Variants in ZMYM3 observed in about 807,000 individuals in gnomAD.
The protein encoded by ZMYM3 is zinc finger MYM-type protein 3.
In ZMYM3, 6 loss-of-function variants were observed where a neutral mutation model predicts 94.2. The observed-to-expected ratio is 0.06, with a 90% CI of 0.03 to 0.13. The LOEUF (loss-of-function observed/expected upper bound fraction) is 0.13, where lower values mean the gene tolerates loss of function less well. Among genes scored for constraint, ZMYM3 ranks in the 10% least tolerant of loss-of-function variants. ZMYM3 has a pLI of 1.00. For missense variants in ZMYM3, 664 were observed against 1,132.6 expected (o/e 0.59, Z 5.94); for synonymous variants, 420 against 426.5 (o/e 0.98, Z 0.19).
chrX:71,253,052 T>G lies in ZMYM3; in HGVS notation c.204A>C (p.Lys68Asn). The G allele has an allele frequency of 8.3e-7, 1 of 1,199,091 alleles. No individual in the cohort carries two copies. Among genetic ancestry groups the G allele is most frequent in the Non-Finnish European group, 1.1e-6 (1 of 888,686 alleles). ...TGGCTCCATCCAGGACTCCAGGGTC[T>G]TTTTCCAGGCCAGCAGGGGTATCAA... is the stretch of plus-strand genomic sequence containing the variant. ...DLLDTPAGLE[K>N]DPGVLDGATE... The change falls in exon 2 of 25, where the codon AAA (lysine) becomes AAC (asparagine). Residue 68 changes from lysine (K) to asparagine (N), a missense_variant. Around this residue, in one of 9 missense-constraint regions of ZMYM3, gnomAD observed 196 missense variants for 190.8 expected, o/e 1.03. Coordinates refer to ENST00000314425, the MANE Select transcript of ZMYM3 (RefSeq NM_201599.3).
chrX:71,253,097 G>A lies in ZMYM3; in HGVS notation c.159C>T (p.Ser53=). ...TATCAAGCAGGTCCAGGGCTCCCGAGGATGGAGAAGGGCCAGGGGGGGCCC... is the reference window on the plus strand; with the variant it reads ...TATCAAGCAGGTCCAGGGCTCCCGAAGATGGAGAAGGGCCAGGGGGGGCCC... ...RGWAPPGPSP[S]SGALDLLDTP... The change falls in exon 2 of 25, where the codon TCC becomes TCT. Residue 53 remains serine, a synonymous_variant. Transcript: ENST00000314425. 2 of 1,202,599 alleles carry A rather than the reference G, an allele frequency of 1.7e-6. No individual in the cohort carries two copies. Among genetic ancestry groups the A allele is most frequent in the East Asian group, 5.9e-5 (2 of 33,641 alleles).
Position 71,251,564 on chromosome X carries a change from A to G in ZMYM3, c.705T>C (p.Pro235=). 1 of 1,193,630 alleles carries G rather than the reference A, an allele frequency of 8.4e-7. No individual in the cohort carries two copies. The highest frequency in any genetic ancestry group is 1.1e-6 in the Non-Finnish European group (1 of 886,501). The change falls in exon 3 of 25, where the codon CCT becomes CCC. Residue 235 remains proline, a synonymous_variant. Coordinates refer to ENST00000314425, the MANE Select transcript of ZMYM3 (RefSeq NM_201599.3). ...CCAATCCCCTCCCCCTCACCCGTTC[A>G]GGCGGCTTCTCACTCGCCTTCGCAG... ...GLTAKASEKP[P]ERKRSERVRR...
Position 71,245,422 on chromosome X carries a change from C to T in ZMYM3, c.2924G>A (p.Arg975Gln). 2 of 1,211,236 alleles carry T rather than the reference C, an allele frequency of 1.7e-6. No homozygotes were observed. The highest frequency in any genetic ancestry group is 2.2e-6 in the Non-Finnish European group (2 of 895,316). The part of the protein sequence containing the change: ...LEDCDLFGPA[R>Q]DDVLAMAVKM... ...GACTGCCATGGCCAGGACATCATCTCGAGCAGGCCCAAACAGGTCACAGTC... is the reference window on the plus strand; with the variant it reads ...GACTGCCATGGCCAGGACATCATCTTGAGCAGGCCCAAACAGGTCACAGTC... The change falls in exon 18 of 25, where the codon CGA becomes CAA. Residue 975 changes from arginine (R) to glutamine (Q), a missense_variant. Arg to Gln is a conservative substitution (Grantham distance 43). This residue lies in a region of ZMYM3 where 75 missense variants were observed against 152.5 expected (regional missense o/e 0.49). Transcript: ENST00000314425.
Position 71,250,145 on chromosome X carries a change from G to A in ZMYM3, c.1132C>T (p.His378Tyr). ...VAQTGSGGSF[H>Y]EFCTSVCLSL... is the part of the protein sequence containing the mutation. Reference sequence around the variant, plus strand: ...AGACAGACGGATGTGCAGAACTCATGGAAGGAGCCTCCAGAACCAGTCTGC... The same window carrying A: ...AGACAGACGGATGTGCAGAACTCATAGAAGGAGCCTCCAGAACCAGTCTGC... Residue 378 changes from histidine (H) to tyrosine (Y), a missense_variant, in exon 6 of 25, where the codon CAT becomes TAT. By Grantham distance (83) the His-to-Tyr change is moderately conservative (BLOSUM62 2). Around this residue, in one of 9 missense-constraint regions of ZMYM3, gnomAD observed 51 missense variants for 53.0 expected, o/e 0.96. Coordinates refer to ENST00000314425, the MANE Select transcript of ZMYM3 (RefSeq NM_201599.3). 8.3e-7 allele frequency: 1 copy of A among 1,206,017 alleles called. No homozygotes were observed. Among genetic ancestry groups the A allele is most frequent in the Non-Finnish European group, 1.1e-6 (1 of 892,998 alleles).
intron 21 of ZMYM3, among the ~76,000 whole-genome samples, chrX:71,243,293 G>A (rs1008437288): frequency 3.6e-5 from 4 of 111,290 alleles, no homozygotes; most frequent in Non-Finnish European, 7.5e-5. Context: ...AGGCTTGGAG[G>A]AGATGTTCTT....
rs1005254831 is a variant in ZMYM3, at chrX:71,251,371, TAGG to T, written c.712-130_712-128del. The T allele has an allele frequency of 4.3e-6, 4 of 921,803 alleles. No homozygotes were observed. The Admixed American group carries it at 1.1e-4, about 26-fold the overall frequency. 76.0% of individuals were successfully genotyped at this position (921,803 alleles called of 1,213,427 possible). Reference sequence around the variant, plus strand: ...GAGTGGGGACCCTTGGCCCAGCCCTTAGGAGGAGGGAAGAAAAGGAGGTTGGAC... The same window carrying T: ...GAGTGGGGACCCTTGGCCCAGCCCTTAGGAGGGAAGAAAAGGAGGTTGGAC... On this transcript the variant is annotated intron_variant, in intron 3 of 24. Transcript: ENST00000314425.
At chrX:71,251,786 T>G (rs772109118) in intron 2 of ZMYM3, 185 bp from the exon 3 acceptor site, 2 of 746,886 alleles carry the variant, frequency 2.7e-6, no homozygotes, top group East Asian at 1.6e-4. Context: ...GGTGGGGGGG[T>G]GCACGTGCAG....
rs1484128037 is a variant in ZMYM3 at position 71,252,492 on chromosome X, AC to A, written c.667+96del. ...CACACATCCCTACACTTATCTCTCCACCCTCCTCCTCCCCACTACTTCCCAA... is the reference window on the plus strand; with the variant it reads ...CACACATCCCTACACTTATCTCTCCACCTCCTCCTCCCCACTACTTCCCAA... On this transcript the variant is annotated intron_variant, in intron 2 of 24. Coordinates refer to ENST00000314425, the MANE Select transcript of ZMYM3 (RefSeq NM_201599.3). 16 of 923,334 alleles carry A rather than the reference AC, an allele frequency of 1.7e-5. No individual in the cohort carries two copies. The East Asian group carries it at 5.6e-4, about 32-fold the overall frequency. The allele number at this position is 923,334 out of a possible 1,213,427, so 76.1% of individuals were successfully genotyped here. A position where few individuals can be genotyped will look rare whatever the true frequency, so the allele number is the denominator to read the frequency against.
intron 21 of ZMYM3, chrX:71,243,554 G>C (rs2030035295): frequency 2.9e-6 from 1 of 348,133 alleles, no homozygotes; most frequent in Non-Finnish European, 5.0e-6. Flanking sequence ...AAGGCAAGCT[G>C]CCTGCTTCAG....
intron 5 of ZMYM3, 42 bp from the exon 6 acceptor site, chrX:71,250,245 C>T: frequency 8.9e-7 from 1 of 1,127,525 alleles, no homozygotes; most frequent in Non-Finnish European, 1.2e-6. Context: ...CAAGACCACC[C>T]TCTCATTTCC....
rs2029907980 is a variant in ZMYM3 at position 71,240,703 on chromosome X, CCT to C, written c.*211_*212del. 1 of 388,223 alleles carries C rather than the reference CCT, an allele frequency of 2.6e-6. No individual in the cohort carries two copies. Among genetic ancestry groups the C allele is most frequent in the Non-Finnish European group, 4.4e-6 (1 of 227,736 alleles). 32.0% of individuals were successfully genotyped at this position (388,223 alleles called of 1,213,427 possible). On this transcript the variant is annotated 3_prime_UTR_variant, in exon 25 of 25. Transcript: ENST00000314425. ...TTTGCCCATCACTGGGAGACCAGCC[CCT>C]GAGTACAGAAGACCAGGGCCCCATG... is the stretch of plus-strand genomic sequence containing the variant.
At chrX:71,251,025 G>A (rs1452211357) in intron 4 of ZMYM3, among the ~76,000 whole-genome samples, 153 bp downstream of exon 4, 1 of 111,077 alleles carries the variant, frequency 9.0e-6, no homozygotes, top group Non-Finnish European at 1.9e-5. Context: ...ACTGCCCCTG[G>A]TTCCCATGCC....
At chrX:71,249,769 T>A in intron 6 of ZMYM3, 90 bp from the exon 7 acceptor site, 1 of 1,128,280 alleles carries the variant, frequency 8.9e-7, no homozygotes, top group Non-Finnish European at 1.2e-6. Context: ...ACCCTAGACC[T>A]TCACAGCAGA....
At position 71,253,085 on chromosome X, in the gene ZMYM3, C is replaced by T. The variant is rs752623006; in HGVS notation, c.171G>A (p.Leu57=). 2.2e-5 allele frequency: 26 copies of T among 1,200,052 alleles called. No individual in the cohort carries two copies. The highest frequency in any genetic ancestry group is 2.0e-5 in the Non-Finnish European group (18 of 890,089). ...GGCCAGCAGGGGTATCAAGCAGGTCCAGGGCTCCCGAGGATGGAGAAGGGC... is the reference window on the plus strand; with the variant it reads ...GGCCAGCAGGGGTATCAAGCAGGTCTAGGGCTCCCGAGGATGGAGAAGGGC... ...PPGPSPSSGA[L]DLLDTPAGLE... The change falls in exon 2 of 25, where the codon CTG becomes CTA. Residue 57 remains leucine (L), a synonymous_variant. Coordinates refer to ENST00000314425, the MANE Select transcript of ZMYM3 (RefSeq NM_201599.3).
At chrX:71,244,205 G>C in intron 20 of ZMYM3, 97 bp downstream of exon 20, 8 of 1,093,114 alleles carry the variant, frequency 7.3e-6, no homozygotes, top group Non-Finnish European at 8.6e-6. Flanking sequence ...ATCACTTCTA[G>C]ACATCTTCAG....
chrX:71,246,028 C>T lies in ZMYM3; in HGVS notation c.2643G>A (p.Leu881=). The stretch of plus-strand genomic sequence containing the variant: ...AAGGCACCGGGACTTTCTGGCAGTA[C>T]AGATGCATAGGCACTGGCACGAAGA... ...VPIFVPVPMH[L]YCQKVPVPFS... The change falls in exon 16 of 25, where the codon CTG becomes CTA. Residue 881 remains leucine (L), a synonymous_variant. Transcript: ENST00000314425. The T allele has an allele frequency of 8.3e-7, 1 of 1,211,444 alleles. No individual in the cohort carries two copies. Among genetic ancestry groups the T allele is most frequent in the Non-Finnish European group, 1.1e-6 (1 of 895,366 alleles).
rs755551978 is a variant in ZMYM3 at position 71,246,048 on chromosome X, C to T, written c.2623G>A (p.Val875Met). 12 of 1,211,309 alleles carry T rather than the reference C, an allele frequency of 9.9e-6. No individual in the cohort carries two copies. The highest frequency in any genetic ancestry group is 1.2e-5 in the Non-Finnish European group (11 of 895,355). ...CAGTACAGATGCATAGGCACTGGCA[C>T]GAAGATGGGCACTGGGATGGGCAGC... ...IVLPIPVPIFVPVPMHLYCQK... is the reference protein window; with the variant it reads ...IVLPIPVPIFMPVPMHLYCQK... The change falls in exon 16 of 25, where the codon GTG becomes ATG. Residue 875 changes from valine (V) to methionine (M), a missense_variant. Coordinates refer to ENST00000314425, the MANE Select transcript of ZMYM3 (RefSeq NM_201599.3).
In ZMYM3 at chrX:71,244,891, G is replaced by A; in HGVS notation, c.3010C>T (p.Pro1004Ser). ...TCTACACTGGGATTAATGTCCAGAG[G>A]ATCTAATGAAAAGGAAAGAAAGAAG... is the stretch of plus-strand genomic sequence containing the variant. ...QDLEADFPKN[P>S]LDINPSVDFL... The change falls in exon 19 of 25, where the codon CCT becomes TCT. Residue 1004 changes from proline (P) to serine (S), a missense_variant and splice_region_variant. Transcript: ENST00000314425. The A allele has an allele frequency of 3.4e-6, 4 of 1,192,370 alleles. No homozygotes were observed. Among genetic ancestry groups the A allele is most frequent in the Non-Finnish European group, 4.5e-6 (4 of 880,285 alleles).
intron 7 of ZMYM3, 124 bp downstream of exon 7, chrX:71,249,337 C>T: frequency 8.9e-7 from 1 of 1,127,628 alleles, no homozygotes; most frequent in Non-Finnish European, 1.2e-6. Context: ...ATAACGGATA[C>T]AATTGAAACC....
Sources: allele counts gnomAD v4.1 joint callset (sites outside exome capture counted in the v4.1 genomes callset), GRCh38; gene constraint gnomAD v4.1.1; regional missense constraint gnomAD v4.1.1; transcripts MANE v1.5; gene names NCBI Gene and HGNC (gene_info 2026-07-23, HGNC 2026-07-21).